Variants in ECT2 observed in about 807,000 individuals in gnomAD.
ECT2 encodes the protein protein ECT2.
A neutral mutation model predicts 116.9 loss-of-function variants in ECT2; 61 were observed. The ratio of observed to expected loss-of-function variants is 0.52; its 90% CI spans 0.42 to 0.65. The LOEUF (loss-of-function observed/expected upper bound fraction) is 0.65, where lower values mean the gene tolerates loss of function less well. Ranked by LOEUF, ECT2 falls within the 30% of genes least tolerant of loss-of-function variation. The pLI is 0.00. For synonymous variants in ECT2, 358 were observed against 346.4 expected (o/e 1.03, Z -0.37); for missense variants, 937 against 1,078.7 (o/e 0.87, Z 1.84).
chr3:172,774,747 T>C (rs1721344164), intron 14 of ECT2, among the ~76,000 whole-genome samples: 1 of 152,162 alleles, frequency 6.6e-6, no homozygotes, highest in Admixed American at 6.6e-5. Flanking sequence ...CAACTGATCC[T>C]CCTGCCTTAG....
At chr3:172,806,287 G>A (rs1320956141) in intron 21 of ECT2, among the ~76,000 whole-genome samples, 1 of 152,136 alleles carries the variant, frequency 6.6e-6, no homozygotes, top group East Asian at 1.9e-4. Flanking sequence ...TATGTTTAAG[G>A]TACGGGTCAG....
chr3:172,756,274 C>T (rs1477967280), intron 4 of ECT2, among the ~76,000 whole-genome samples: 3 of 152,108 alleles, frequency 2.0e-5, no homozygotes, highest in Non-Finnish European at 4.4e-5. Context: ...AAATAATTTA[C>T]TGACCCATTT....
intron 7 of ECT2, 64 bp from the exon 8 acceptor site, chr3:172,761,546 G>C: frequency 8.6e-7 from 1 of 1,166,906 alleles, no homozygotes; most frequent in Non-Finnish European, 1.3e-6. Context: ...TATGTTAACT[G>C]TTTAGAACTT....
chr3:172,823,874 T>A (rs190864769), downstream of ECT2, among the ~76,000 whole-genome samples: 15 of 152,204 alleles, frequency 9.9e-5, no homozygotes, highest in Admixed American at 1.3e-4. Context: ...TATGTATATT[T>A]GTATATTGAT....
At chr3:172,786,352 G>T in intron 17 of ECT2, 141 bp from the exon 18 acceptor site, 1 of 556,252 alleles carries the variant, frequency 1.8e-6, no homozygotes, top group Non-Finnish European at 3.2e-6. Context: ...GCTTTTTAGG[G>T]AACAGTGCTT....
chr3:172,797,018 C>CTGTGTGTGTGTGTGCGTGTGTG (rs1725781190), intron 18 of ECT2, among the ~76,000 whole-genome samples: 1 of 139,032 alleles, frequency 7.2e-6, no homozygotes, highest in African/African-American at 2.7e-5. Context: ...TCAGGTTCAA[C>CTGTGTGTGTGTGTGCGTGTGTG]TGTGTGTGTG....
At chr3:172,828,516 G>C in the ECT2 span, among the ~76,000 whole-genome samples, 1 of 152,068 alleles carries the variant, frequency 6.6e-6, no homozygotes, top group Non-Finnish European at 1.5e-5. Flanking sequence ...TGCAGTGCTG[G>C]AAGTCTTGGT....
At chr3:172,797,111 C>T (rs1032796929) in intron 18 of ECT2, among the ~76,000 whole-genome samples, 2 of 150,970 alleles carry the variant, frequency 1.3e-5, no homozygotes, top group Non-Finnish European at 2.9e-5. Flanking sequence ...CTCACTGCAA[C>T]CTCCACTTCC....
At chr3:172,774,409 G>C (rs1721266896) in intron 14 of ECT2, among the ~76,000 whole-genome samples, 4 of 152,056 alleles carry the variant, frequency 2.6e-5, no homozygotes, top group Non-Finnish European at 5.9e-5. Flanking sequence ...ATGCTGCCCA[G>C]GCTGGTTTCG....
intron 14 of ECT2, among the ~76,000 whole-genome samples, chr3:172,781,254 G>C (rs911813947): frequency 6.6e-6 from 1 of 152,104 alleles, no homozygotes; most frequent in African/African-American, 2.4e-5. Flanking sequence ...TTTTTTTACT[G>C]TCTGGCTTAA....
At chr3:172,827,542 A>C in the ECT2 span, among the ~76,000 whole-genome samples, 2 of 152,228 alleles carry the variant, frequency 1.3e-5, no homozygotes, top group African/African-American at 4.8e-5. Flanking sequence ...CTAATATTGC[A>C]TGTTCTCACT....
At chr3:172,760,513 C>G (rs953459416) in intron 7 of ECT2, among the ~76,000 whole-genome samples, 1 of 151,406 alleles carries the variant, frequency 6.6e-6, no homozygotes, top group Non-Finnish European at 1.5e-5. Context: ...AACTCCTGGG[C>G]TTAAGTGATC....
the ECT2 span, chr3:172,828,801 C>T: frequency 4.2e-5 from 30 of 707,864 alleles, no homozygotes; most frequent in African/African-American, 2.5e-4. Flanking sequence ...GACAGGCCAA[C>T]GCCCAGAATG....
intron 18 of ECT2, among the ~76,000 whole-genome samples, chr3:172,794,211 A>G (rs1576979183): frequency 6.6e-6 from 1 of 152,172 alleles, no homozygotes; most frequent in African/African-American, 2.4e-5. Flanking sequence ...TTCTTTAAGA[A>G]TGTTTGTGGT....
chr3:172,769,856 A>G (rs1309606048), intron 13 of ECT2, among the ~76,000 whole-genome samples: 11 of 152,296 alleles, frequency 7.2e-5, no homozygotes, highest in African/African-American at 2.6e-4. Context: ...AGGTTGACAT[A>G]CTGTTAAGAA....
intron 13 of ECT2, among the ~76,000 whole-genome samples, chr3:172,771,869 T>C (rs1028333463): frequency 2.6e-5 from 4 of 152,252 alleles, no homozygotes; most frequent in Non-Finnish European, 5.9e-5. Flanking sequence ...GTTTTCATTT[T>C]CGTAATGACT....
Position 172,764,400 on chromosome 3 carries a change from A to G in ECT2, c.1191A>G (p.Ser397=), listed in dbSNP as rs756200414. 6.2e-7 allele frequency: 1 copy of G among 1,614,176 alleles called. No homozygotes were observed. The highest frequency in any genetic ancestry group is 1.1e-5 in the South Asian group (1 of 91,080). ...AGCTTTCAAGAGAGACAGACGTGTC[A>G]CCATTTCCACCCCGTAAGCGCCCAT... ...LAQLSRETDV[S]PFPPRKRPSA... Residue 397 remains serine (S), a synonymous_variant, in exon 12 of 25, where the codon TCA becomes TCG. Coordinates refer to ENST00000392692, the MANE Select transcript of ECT2 (RefSeq NM_001258315.2).
chr3:172,815,716 GT>G lies in ECT2; in HGVS notation c.2508+9del. The G allele has an allele frequency of 6.5e-7, 1 of 1,549,140 alleles. No homozygotes were observed. The highest frequency in any genetic ancestry group is 8.8e-7 in the Non-Finnish European group (1 of 1,130,664). On this transcript the variant is annotated splice_donor_region_variant and intron_variant, in intron 23 of 24. Coordinates refer to ENST00000392692, the MANE Select transcript of ECT2 (RefSeq NM_001258315.2). ...ATAAAAAAGACTTCAAAAAAGGTGA[GT>G]TTTAGTGAAAGTATTATTTAGCACA... is the stretch of plus-strand genomic sequence containing the variant.
chr3:172,754,334 T>A (rs1716532857), intron 1 of ECT2, 175 bp from the exon 2 acceptor site: 2 of 484,746 alleles, frequency 4.1e-6, no homozygotes, highest in Non-Finnish European at 7.3e-6. Context: ...GGTATTAGTA[T>A]GTTTATTTTA....
Sources: gnomAD v4.1 joint callset for allele counts (sites outside exome capture counted in the v4.1 genomes callset) on GRCh38, gnomAD v4.1.1 for gene constraint, MANE v1.5 for transcripts, NCBI Gene and HGNC (gene_info 2026-07-23, HGNC 2026-07-21) for gene names.